The following CFAP61 variants were observed in gnomAD, a reference collection of about 807,000 sequenced individuals.
The protein encoded by CFAP61 is cilia and flagella associated protein 61, also known as cilia- and flagella-associated protein 61.
In CFAP61, 107 loss-of-function variants were observed where a neutral mutation model predicts 135.6. The observed-to-expected ratio is 0.79, with a 90% CI of 0.67 to 0.93. CFAP61 has a LOEUF of 0.93. Ranked by LOEUF, CFAP61 falls within the 40% of genes least tolerant of loss-of-function variation. CFAP61 has a pLI of 0.00. For missense variants in CFAP61, 1,507 were observed against 1,556.2 expected, an observed-to-expected ratio of 0.97 and a Z score of 0.53; for synonymous variants, 575 against 578.5, an observed-to-expected ratio of 0.99 and a Z score of 0.09.
intron 15 of CFAP61, among the ~76,000 whole-genome samples, chr20:20,195,759 G>A (rs753680238): frequency 6.6e-6 from 1 of 152,222 alleles, no homozygotes; most frequent in East Asian, 1.9e-4. Flanking sequence ...TTTATAGCAG[G>A]CCAGCCAGCC....
intron 22 of CFAP61, among the ~76,000 whole-genome samples, chr20:20,287,510 G>C (rs6112850): frequency 0.04 from 6,060 of 152,252 alleles, 398 homozygotes; most frequent in African/African-American, 0.14. Context: ...TTATAGCCTT[G>C]TATGACTAGT....
chr20:20,331,282 T>C (rs549773316), intron 25 of CFAP61, among the ~76,000 whole-genome samples: 1 of 152,350 alleles, frequency 6.6e-6, no homozygotes, highest in South Asian at 2.1e-4. Context: ...TACCCTCTTA[T>C]TGTGTTTTGG....
chr20:20,196,710 G>T lies in CFAP61; in HGVS notation c.1731G>T (p.Glu577Asp), dbSNP rs746340286. ...FRHYTKFFLK[E>D]ILRLGFKSCL... Reference sequence around the variant, plus strand: ...ACTACACCAAGTTCTTTCTGAAGGAGATCCTGCGTTTAGGCTTTAAATCCT... The same window carrying T: ...ACTACACCAAGTTCTTTCTGAAGGATATCCTGCGTTTAGGCTTTAAATCCT... Residue 577 changes from glutamate to aspartate, a missense_variant, in exon 16 of 27, where the codon GAG becomes GAT. Physicochemically the swap from Glu to Asp is conservative, Grantham distance 45 (BLOSUM62 2). Coordinates refer to ENST00000245957, the MANE Select transcript of CFAP61 (RefSeq NM_015585.4). 6.2e-7 allele frequency: 1 copy of T among 1,614,162 alleles called. No individual in the cohort carries two copies. The highest frequency in any genetic ancestry group is 8.5e-7 in the Non-Finnish European group (1 of 1,180,042).
At position 20,196,653 on chromosome 20, in the gene CFAP61, G is replaced by T. The variant is rs767443317; in HGVS notation, c.1674G>T (p.Met558Ile). 1 of 1,613,940 alleles carries T rather than the reference G, an allele frequency of 6.2e-7. No homozygotes were observed. Among genetic ancestry groups the T allele is most frequent in the Non-Finnish European group, 8.5e-7 (1 of 1,179,856 alleles). ...ACCAGCGCGAAGAACACGGGCACAT[G>T]CATCACTTTGCCCTCAACCCCATTT... is the stretch of plus-strand genomic sequence containing the variant. ...SHHQREEHGH[M>I]HHFALNPIFR... Residue 558 changes from methionine to isoleucine, a missense_variant, in exon 16 of 27, where the codon ATG becomes ATT. Coordinates refer to ENST00000245957, the MANE Select transcript of CFAP61 (RefSeq NM_015585.4).
chr20:20,260,911 A>G (rs1381261105), intron 20 of CFAP61, among the ~76,000 whole-genome samples: 1 of 152,218 alleles, frequency 6.6e-6, no homozygotes, highest in Middle Eastern at 3.2e-3. Flanking sequence ...GAAGCACAGT[A>G]TTCAGTATTG....
At chr20:20,073,306 T>G (rs1338620668) in intron 3 of CFAP61, among the ~76,000 whole-genome samples, 1 of 152,214 alleles carries the variant, frequency 6.6e-6, no homozygotes, top group Non-Finnish European at 1.5e-5. Flanking sequence ...TGTTTGCCTT[T>G]TGGGAGTTTT....
chr20:20,176,897 T>C (rs778451230), intron 13 of CFAP61, among the ~76,000 whole-genome samples: 1 of 152,196 alleles, frequency 6.6e-6, no homozygotes, highest in Non-Finnish European at 1.5e-5. Context: ...TAAAAAGAAC[T>C]GTGATTATCT....
At chr20:20,162,621 G>C (rs1230284242) in intron 10 of CFAP61, among the ~76,000 whole-genome samples, 1 of 152,104 alleles carries the variant, frequency 6.6e-6, no homozygotes, top group East Asian at 1.9e-4. Context: ...AAAAGACCTG[G>C]AACTTACAAA....
intron 7 of CFAP61, among the ~76,000 whole-genome samples, 162 bp from the exon 8 acceptor site, chr20:20,098,487 GCAGTCC>G (rs2047749074): frequency 6.6e-6 from 1 of 151,720 alleles, no homozygotes; most frequent in African/African-American, 2.4e-5. Flanking sequence ...GCGGGCGCCT[GCAGTCC>G]CAGCTCTGCG....
chr20:20,300,607 G>GTTTTTTTTT (rs760598213), intron 25 of CFAP61, among the ~76,000 whole-genome samples: 7 of 145,720 alleles, frequency 4.8e-5, no homozygotes, highest in South Asian at 2.2e-4. Context: ...TGTTTTTTTT[G>GTTTTTTTTT]TTTTTTTTTT....
At chr20:20,279,586 G>A (rs2054030960) in intron 22 of CFAP61, among the ~76,000 whole-genome samples, 1 of 152,090 alleles carries the variant, frequency 6.6e-6, no homozygotes, top group South Asian at 2.1e-4. Context: ...GGTGGGTCTT[G>A]CTGTCTCAGG....
chr20:20,116,061 A>G (rs118040659), intron 8 of CFAP61, among the ~76,000 whole-genome samples: 1 of 152,322 alleles, frequency 6.6e-6, no homozygotes, highest in Non-Finnish European at 1.5e-5. Flanking sequence ...TCCTACAAAC[A>G]TATGTATATG....
At chr20:20,198,312 T>C (rs2056420453) in intron 16 of CFAP61, among the ~76,000 whole-genome samples, 1 of 152,222 alleles carries the variant, frequency 6.6e-6, no homozygotes, top group Non-Finnish European at 1.5e-5. Flanking sequence ...AAATTCTTGT[T>C]TTTATTCATG....
At chr20:20,076,708 A>T (rs2046073861) in intron 6 of CFAP61, among the ~76,000 whole-genome samples, 1 of 152,238 alleles carries the variant, frequency 6.6e-6, no homozygotes, top group African/African-American at 2.4e-5. Flanking sequence ...AAAGTATTTT[A>T]AAAGTTTTAA....
chr20:20,251,247 G>A (rs532820612), intron 19 of CFAP61, among the ~76,000 whole-genome samples: 1 of 152,080 alleles, frequency 6.6e-6, no homozygotes, highest in Admixed American at 6.5e-5. Flanking sequence ...CAATTTAACA[G>A]CTAAAGTAAA....
In CFAP61 at chr20:20,176,681, G is replaced by A. The variant is rs557848469; in HGVS notation, c.1385+7221G>A. On this transcript the variant is annotated intron_variant, in intron 13 of 26. Coordinates refer to ENST00000245957, the MANE Select transcript of CFAP61 (RefSeq NM_015585.4). ...TGAGAACACATGAACACATGCGGGG[G>A]CCGGGAGCGGGGAACAACACACATT... is the stretch of plus-strand genomic sequence containing the variant. 2.6e-5 allele frequency among the ~76,000 whole-genome samples: 4 copies of A among 152,234 alleles called. No homozygotes were observed. In the East Asian group the frequency reaches 7.7e-4, roughly 29 times the overall value.
Position 20,072,299 on chromosome 20 carries a change from TAG to T in CFAP61, c.294+1299_294+1300del, listed in dbSNP as rs1478237049. On this transcript the variant is annotated intron_variant, in intron 3 of 26. Coordinates refer to ENST00000245957, the MANE Select transcript of CFAP61 (RefSeq NM_015585.4). The stretch of plus-strand genomic sequence containing the variant: ...CCGGCTAATTTTTTTGTATTTTTAG[TAG>T]AGACAGGGTTTCACTATGTTAGCCA... 3.9e-5 allele frequency among the ~76,000 whole-genome samples: 6 copies of T among 151,946 alleles called. No individual in the cohort carries two copies. In the South Asian group the frequency reaches 8.3e-4, roughly 21 times the overall value.
chr20:20,158,778 G>A (rs1222284489), intron 9 of CFAP61, among the ~76,000 whole-genome samples: 3 of 152,220 alleles, frequency 2.0e-5, no homozygotes, highest in Non-Finnish European at 4.4e-5. Context: ...TGGGAACATG[G>A]AAGCTTGGGG....
chr20:20,234,165 G>A lies in CFAP61; in HGVS notation c.2060+5789G>A, dbSNP rs185931993. 1.1e-3 allele frequency among the ~76,000 whole-genome samples: 166 copies of A among 152,278 alleles called. 1 individual carries two copies. The highest frequency in any genetic ancestry group is 3.4e-3 in the Middle Eastern group (1 of 294). On this transcript the variant is annotated intron_variant, in intron 18 of 26. Transcript: ENST00000245957. The stretch of plus-strand genomic sequence containing the variant: ...TAGGGAACTGCCTGAGAGCAGGGCC[G>A]TGTGACAGGGAAGTGAGGATAGCCA...
Sources: allele counts gnomAD v4.1 joint callset (sites outside exome capture counted in the v4.1 genomes callset), GRCh38; gene constraint gnomAD v4.1.1; transcripts MANE v1.5; gene names NCBI Gene and HGNC (gene_info 2026-07-23, HGNC 2026-07-21).